LRRC9: variants seen among roughly 807,000 people sequenced by gnomAD.
LRRC9 encodes the protein leucine rich repeat containing 9.
In LRRC9, 122 loss-of-function variants were observed where a neutral mutation model predicts 63.2. The ratio of observed to expected loss-of-function variants is 1.93; its 90% CI spans 1.67 to 2.24. The LOEUF (loss-of-function observed/expected upper bound fraction) is 2.24. Ranked by LOEUF, LRRC9 falls within the 30% of genes most tolerant of loss-of-function variation. The pLI, the probability that LRRC9 is intolerant of heterozygous loss-of-function variation, is 0.00. For synonymous variants in LRRC9, 366 were observed against 213.1 expected (o/e 1.72, Z -6.25); for missense variants, 1,071 against 627.7 (o/e 1.71, Z -7.55).
intron 23 of LRRC9, 54 bp from the exon 24 acceptor site, chr14:60,016,606 T>G (rs879033116): frequency 3.1e-6 from 2 of 644,552 alleles, no homozygotes; most frequent in Non-Finnish European, 5.7e-6. Context: ...CAGAGAACTA[T>G]GTAATTTAGT....
chr14:60,057,945 A>C, exon 31 of LRRC9: 1 of 692,378 alleles, frequency 1.4e-6, no homozygotes. Flanking sequence ...CCTCCCATAG[A>C]GATAACAAAT....
At chr14:59,999,065 C>A in intron 18 of LRRC9, 36 bp from the exon 19 acceptor site, 1 of 618,984 alleles carries the variant, frequency 1.6e-6, no homozygotes, top group Non-Finnish European at 2.9e-6. Flanking sequence ...ACATATTTAA[C>A]AGTTTATAAA....
intron 26 of LRRC9, among the ~76,000 whole-genome samples, chr14:60,019,984 C>T (rs928804381): frequency 6.6e-6 from 1 of 151,664 alleles, no homozygotes; most frequent in African/African-American, 2.4e-5. Context: ...GTATAATTTC[C>T]TTGCAACAAA....
intron 31 of LRRC9, among the ~76,000 whole-genome samples, chr14:60,061,283 A>G (rs1322691576): frequency 6.6e-6 from 1 of 152,306 alleles, no homozygotes; most frequent in Admixed American, 6.5e-5. Context: ...AGCAAACTCC[A>G]TTGTTGTCTT....
intron 29 of LRRC9, among the ~76,000 whole-genome samples, chr14:60,035,643 T>C (rs1308700623): frequency 6.6e-6 from 1 of 152,208 alleles, no homozygotes; most frequent in Non-Finnish European, 1.5e-5. Flanking sequence ...AAAGATGAAT[T>C]GACTGTAAAT....
In LRRC9 at chr14:59,927,045, A is replaced by G. The variant is rs889095330; in HGVS notation, c.-33-866A>G. 1.3e-5 allele frequency among the ~76,000 whole-genome samples: 2 copies of G among 152,110 alleles called. 1 individual carries two copies. Among genetic ancestry groups the G allele is most frequent in the Admixed American group, 1.3e-4 (2 of 15,270 alleles). On this transcript the variant is annotated intron_variant, in intron 1 of 31. Coordinates refer to ENST00000445360, the Ensembl canonical transcript of LRRC9. The surrounding 1 kb of genome is among the most constrained non-coding windows in gnomAD (Gnocchi z 4.4). ...CCAGCTTTACATTTGTATTCTGGCCACAAAGGCTTTCACCTGCATCTAAGG... is the reference window on the plus strand; with the variant it reads ...CCAGCTTTACATTTGTATTCTGGCCGCAAAGGCTTTCACCTGCATCTAAGG...
At chr14:60,015,700 A>G (rs1453164488) in intron 23 of LRRC9, among the ~76,000 whole-genome samples, 1 of 152,122 alleles carries the variant, frequency 6.6e-6, no homozygotes, top group Non-Finnish European at 1.5e-5. Flanking sequence ...ATAACTCATT[A>G]TTACTGGGTG....
At chr14:59,931,559 T>C (rs1889703238) in intron 4 of LRRC9, 60 bp from the exon 5 acceptor site, 9 of 674,450 alleles carry the variant, frequency 1.3e-5, no homozygotes, top group Non-Finnish European at 2.4e-5. Context: ...TAATCAGAGA[T>C]GATTTGTAAA....
intron 26 of LRRC9, among the ~76,000 whole-genome samples, chr14:60,022,069 T>C (rs1411222752): frequency 6.6e-6 from 1 of 151,842 alleles, no homozygotes; most frequent in Non-Finnish European, 1.5e-5. Context: ...AATGAATCTA[T>C]TGATCAATTT....
intron 30 of LRRC9, among the ~76,000 whole-genome samples, chr14:60,057,427 CTAAT>C (rs1275846827): frequency 6.6e-6 from 1 of 151,988 alleles, no homozygotes; most frequent in Non-Finnish European, 1.5e-5. Flanking sequence ...GTTCTGAAAA[CTAAT>C]TAACTGCAAG....
chr14:59,984,037 A>G (rs1887207022), intron 16 of LRRC9, among the ~76,000 whole-genome samples: 1 of 152,210 alleles, frequency 6.6e-6, no homozygotes, highest in South Asian at 2.1e-4. Flanking sequence ...GGCCTGTTTG[A>G]GAAACAGTTC....
intron 29 of LRRC9, among the ~76,000 whole-genome samples, chr14:60,046,353 A>G (rs1893423982): frequency 6.6e-6 from 1 of 152,184 alleles, no homozygotes; most frequent in Admixed American, 6.5e-5. Flanking sequence ...GCCTGTGCCT[A>G]TGTCCTGAAT....
At chr14:60,026,111 A>G (rs1165602857) in intron 27 of LRRC9, among the ~76,000 whole-genome samples, 1 of 152,060 alleles carries the variant, frequency 6.6e-6, no homozygotes, top group East Asian at 1.9e-4. Flanking sequence ...ACTGGACCAC[A>G]AGTCAGGACT....
rs909541219 is a variant in LRRC9, at chr14:59,919,738, C to G, written c.-179C>G. 1 of 152,296 alleles carries G rather than the reference C, an allele frequency of 6.6e-6. No individual in the cohort carries two copies. Among genetic ancestry groups the G allele is most frequent in the South Asian group, 2.1e-4 (1 of 4,832 alleles). 9.4% of individuals were successfully genotyped at this position (152,296 alleles called of 1,614,324 possible). On this transcript the variant is annotated 5_prime_UTR_variant, in exon 1 of 32. Coordinates refer to ENST00000445360, the Ensembl canonical transcript of LRRC9. This position sits in a 1 kb window ranked among gnomAD's most constrained non-coding sequence, Gnocchi z 4.5. ...ATCACAGGGCCATGCCCTCGGGGCTCAAGGCCAGAGAGGCTCCGCGCTTCC... is the reference window on the plus strand; with the variant it reads ...ATCACAGGGCCATGCCCTCGGGGCTGAAGGCCAGAGAGGCTCCGCGCTTCC...
chr14:59,992,837 T>C (rs1888304407), intron 17 of LRRC9, among the ~76,000 whole-genome samples: 1 of 152,212 alleles, frequency 6.6e-6, no homozygotes, highest in South Asian at 2.1e-4. Context: ...CTGATTGGTG[T>C]ACCCGAAAGT....
In LRRC9 at chr14:59,919,732, G is replaced by C. The variant is rs1445420224; in HGVS notation, c.-185G>C. ...TGTGACATCACAGGGCCATGCCCTC[G>C]GGGCTCAAGGCCAGAGAGGCTCCGC... On this transcript the variant is annotated 5_prime_UTR_variant, in exon 1 of 32. Transcript: ENST00000445360. The surrounding 1 kb of genome is among the most constrained non-coding windows in gnomAD (Gnocchi z 4.5). 6.6e-6 allele frequency: 1 copy of C among 152,280 alleles called. No homozygotes were observed. The highest frequency in any genetic ancestry group is 1.5e-5 in the Non-Finnish European group (1 of 68,086). 9.4% of individuals were successfully genotyped at this position (152,280 alleles called of 1,614,324 possible).
At chr14:60,016,839 AATT>A (rs766452242) in intron 24 of LRRC9, 49 bp downstream of exon 24, 106 of 590,216 alleles carry the variant, frequency 1.8e-4, no homozygotes, top group East Asian at 6.2e-4. Flanking sequence ...TACATTATGT[AATT>A]ATTATCATTT....
intron 12 of LRRC9, chr14:59,969,107 T>TTTTTGATATTTTATTTTGATA (rs1352302945): frequency 6.6e-6 from 1 of 152,102 alleles, no homozygotes. Flanking sequence ...ATCAAGAAAG[T>TTTTTGATATTTTATTTTGATA]TTTTGATATT....
At chr14:59,949,069 GT>G (rs1447726130) in intron 8 of LRRC9, among the ~76,000 whole-genome samples, 20 of 108,226 alleles carry the variant, frequency 1.8e-4, no homozygotes, top group Admixed American at 1.0e-3. Flanking sequence ...GATTGGAATA[GT>G]TTCAGAAGGA....
Sources: gnomAD v4.1 joint callset for allele counts (sites outside exome capture counted in the v4.1 genomes callset) on GRCh38, gnomAD v4.1.1 for gene constraint, Gnocchi (gnomAD v3.1) non-coding constraint, MANE v1.5 for transcripts, NCBI Gene and HGNC (gene_info 2026-07-23, HGNC 2026-07-21) for gene names.